The following SLC25A48 variants were observed in gnomAD, a reference collection of about 807,000 sequenced individuals.
SLC25A48 encodes the protein solute carrier family 25 member 48, also known as CTC-321K16.1.
In SLC25A48, 29 loss-of-function variants were observed where a neutral mutation model predicts 32.2. The observed-to-expected ratio is 0.90, with a 90% confidence interval of 0.67 to 1.23. The LOEUF (loss-of-function observed/expected upper bound fraction) is 1.23, where lower values mean the gene tolerates loss of function less well. Among genes scored for constraint, SLC25A48 ranks in the 50% most tolerant of loss-of-function variants. The pLI is 0.00. For synonymous variants in SLC25A48, 164 were observed against 172.3 expected, an observed-to-expected ratio of 0.95 and a Z score of 0.38; for missense variants, 399 against 422.7, an observed-to-expected ratio of 0.94 and a Z score of 0.49.
chr5:135,606,966 C>T (rs1751951951), intron 1 of SLC25A48, among the ~76,000 whole-genome samples: 1 of 152,140 alleles, frequency 6.6e-6, no homozygotes, highest in Non-Finnish European at 1.5e-5. Context: ...CTGCATACTC[C>T]CCTTCTTTAC....
intron 3 of SLC25A48, among the ~76,000 whole-genome samples, chr5:135,732,652 C>T (rs1399735688): frequency 6.6e-6 from 1 of 152,142 alleles, no homozygotes. Context: ...GGGCTAGCAG[C>T]TTGTAACCTA....
intron 1 of SLC25A48, among the ~76,000 whole-genome samples, chr5:135,605,970 C>A (rs1751924350): frequency 6.6e-6 from 1 of 152,184 alleles, no homozygotes; most frequent in South Asian, 2.1e-4. Context: ...TATTTGAACA[C>A]CCCAAATGGG....
chr5:135,820,918 C>T lies in SLC25A48; in HGVS notation c.-117+7992C>T, dbSNP rs1030937369. On this transcript the variant is annotated intron_variant, in intron 4 of 10. Coordinates refer to the SLC25A48 transcript ENST00000646290. ...TAGCCATGCCTGAGCCTGGAGAACC[C>T]GGCTGGGTCACTCCTGACTTGGACA... 5.3e-5 allele frequency among the ~76,000 whole-genome samples: 8 copies of T among 152,170 alleles called. No homozygotes were observed. The East Asian group carries it at 1.3e-3, about 26-fold the overall frequency.
intron 3 of SLC25A48, among the ~76,000 whole-genome samples, chr5:135,743,264 G>A (rs901674631): frequency 6.7e-6 from 1 of 150,240 alleles, no homozygotes; most frequent in Non-Finnish European, 1.5e-5. Context: ...TAGAGACGGT[G>A]TTTCTTTATG....
intron 4 of SLC25A48, among the ~76,000 whole-genome samples, chr5:135,870,944 A>G (rs1761585779): frequency 1.3e-5 from 2 of 151,668 alleles, no homozygotes; most frequent in South Asian, 4.1e-4. Context: ...TTTATGTATA[A>G]TTTATAAATT....
chr5:135,756,666 C>T (rs1486570377), intron 3 of SLC25A48, among the ~76,000 whole-genome samples: 7 of 151,812 alleles, frequency 4.6e-5, no homozygotes, highest in Admixed American at 6.6e-5. Context: ...AGTGGAACTC[C>T]GTCTCAAAAC....
intron 3 of SLC25A48, among the ~76,000 whole-genome samples, chr5:135,719,693 G>T (rs949396944): frequency 2.0e-5 from 3 of 152,168 alleles, no homozygotes; most frequent in African/African-American, 7.2e-5. Flanking sequence ...TGCTGTTTAT[G>T]GCTGGTCCTG....
chr5:135,832,635 T>C (rs762215477), upstream of SLC25A48, among the ~76,000 whole-genome samples: 1 of 152,100 alleles, frequency 6.6e-6, no homozygotes, highest in Non-Finnish European at 1.5e-5. Flanking sequence ...CTCAGATGGA[T>C]TGTCTCCTCT....
intron 1 of SLC25A48, among the ~76,000 whole-genome samples, chr5:135,625,714 C>A (rs1417913642): frequency 6.6e-6 from 1 of 152,036 alleles, no homozygotes; most frequent in African/African-American, 2.4e-5. Context: ...TTCTGAGGTG[C>A]CCCCAGGTAG....
intron 3 of SLC25A48, among the ~76,000 whole-genome samples, chr5:135,779,593 T>C (rs1407703757): frequency 1.7e-5 from 2 of 118,500 alleles, no homozygotes; most frequent in African/African-American, 5.2e-5. Context: ...ATCTAAGGGA[T>C]GTACACTCCC....
intron 3 of SLC25A48, among the ~76,000 whole-genome samples, chr5:135,699,697 C>A (rs1754346716): frequency 6.6e-6 from 1 of 152,158 alleles, no homozygotes; most frequent in Non-Finnish European, 1.5e-5. Context: ...ATGGTAATAG[C>A]CAGCATGGAC....
At chr5:135,793,973 C>T (rs529307764) in intron 3 of SLC25A48, among the ~76,000 whole-genome samples, 12 of 150,924 alleles carry the variant, frequency 8.0e-5, no homozygotes, top group South Asian at 4.2e-4. Context: ...CACCCAGTAT[C>T]GCAGAGGGTG....
chr5:135,672,150 C>A (rs1445759788), intron 3 of SLC25A48, among the ~76,000 whole-genome samples: 1 of 152,194 alleles, frequency 6.6e-6, no homozygotes, highest in African/African-American at 2.4e-5. Flanking sequence ...TGATTTATGA[C>A]TGAAAGGAAG....
At chr5:135,692,844 GT>G (rs1379966406) in intron 3 of SLC25A48, among the ~76,000 whole-genome samples, 1 of 152,212 alleles carries the variant, frequency 6.6e-6, no homozygotes, top group Non-Finnish European at 1.5e-5. Flanking sequence ...ATGAATATCT[GT>G]TTTCCAATGG....
Position 135,734,313 on chromosome 5 carries a change from C to T in SLC25A48, c.-520-78210C>T, listed in dbSNP as rs80318879. Among the ~76,000 whole-genome samples, 1,446 of 151,410 alleles carry T rather than the reference C, an allele frequency of 9.6e-3. 30 individuals are homozygous for T. The highest frequency in any genetic ancestry group is 0.033 in the African/African-American group (1,358 of 41,252). On this transcript the variant is annotated intron_variant, in intron 3 of 10. Coordinates refer to the SLC25A48 transcript ENST00000646290. ...TCTAGCCTAGGAATAGTCAGGGAAGCAGATAATTTAGTTAAAATGTCTTGG... is the reference window on the plus strand; with the variant it reads ...TCTAGCCTAGGAATAGTCAGGGAAGTAGATAATTTAGTTAAAATGTCTTGG...
In SLC25A48 at chr5:135,706,778, G is replaced by T. The variant is rs76417024; in HGVS notation, c.-521+71822G>T. Among the ~76,000 whole-genome samples the T allele has an allele frequency of 8.9e-3, 1,363 of 152,310 alleles. 16 individuals carry two copies. The highest frequency in any genetic ancestry group is 0.031 in the African/African-American group (1,287 of 41,560). ...ATGTGCAGACAGGTCTCATCTCCCC[G>T]ATTGGGTCTGCATGACAGGCAGGTC... On this transcript the variant is annotated intron_variant, in intron 3 of 10. Coordinates refer to the SLC25A48 transcript ENST00000646290.
chr5:135,698,180 A>G (rs1754311144), intron 3 of SLC25A48, among the ~76,000 whole-genome samples: 1 of 152,260 alleles, frequency 6.6e-6, no homozygotes, highest in South Asian at 2.1e-4. Flanking sequence ...TGACACCCTC[A>G]GTGCTGTCTC....
At chr5:135,713,474 T>C (rs1323309527) in intron 3 of SLC25A48, among the ~76,000 whole-genome samples, 1 of 152,164 alleles carries the variant, frequency 6.6e-6, no homozygotes, top group Non-Finnish European at 1.5e-5. Flanking sequence ...AATTGTTTAG[T>C]AGCTGAACAA....
chr5:135,784,631 T>TG (rs939333078), intron 3 of SLC25A48, among the ~76,000 whole-genome samples: 1 of 116,918 alleles, frequency 8.6e-6, no homozygotes, highest in African/African-American at 2.6e-5. Context: ...CAATATCGCA[T>TG]GGGGGGTATA....
Sources: allele counts gnomAD v4.1 joint callset (sites outside exome capture counted in the v4.1 genomes callset), GRCh38; gene constraint gnomAD v4.1.1; transcripts MANE v1.5; gene names NCBI Gene and HGNC (gene_info 2026-07-23, HGNC 2026-07-21).